The following RTKN2 variants were observed in gnomAD, a reference collection of about 807,000 sequenced individuals.
RTKN2 encodes the protein rhotekin-2.
A neutral mutation model predicts 71.5 loss-of-function variants in RTKN2; 69 were observed. The ratio of observed to expected loss-of-function variants is 0.96; its 90% CI spans 0.79 to 1.18. The LOEUF (loss-of-function observed/expected upper bound fraction) is 1.18. Among genes scored for constraint, RTKN2 ranks in the 50% most tolerant of loss-of-function variants. The pLI, the probability that RTKN2 is intolerant of heterozygous loss-of-function variation, is 0.00. For synonymous variants in RTKN2, 236 were observed against 236.5 expected (o/e 1.00, Z 0.02); for missense variants, 724 against 719.7 (o/e 1.01, Z -0.07).
At chr10:62,255,140 A>G (rs1171943149) in intron 2 of RTKN2, among the ~76,000 whole-genome samples, 2 of 152,222 alleles carry the variant, frequency 1.3e-5, no homozygotes, top group Non-Finnish European at 2.9e-5. Flanking sequence ...AAGAATTGTA[A>G]GGAAATCTTG....
exon 9 of RTKN2, chr10:62,184,345 T>C (rs759297348): frequency 6.5e-7 from 1 of 1,545,590 alleles, no homozygotes; most frequent in South Asian, 1.2e-5. Flanking sequence ...AATTTGGAAG[T>C]TGCTGGCAGT....
At chr10:62,237,643 T>G (rs907663165) in intron 5 of RTKN2, among the ~76,000 whole-genome samples, 12 of 151,912 alleles carry the variant, frequency 7.9e-5, no homozygotes, top group Admixed American at 7.9e-4. Context: ...ACCTTTAGTT[T>G]TCATTTCTTC....
At chr10:62,227,847 A>G (rs1842062645) in intron 6 of RTKN2, among the ~76,000 whole-genome samples, 1 of 152,150 alleles carries the variant, frequency 6.6e-6, no homozygotes, top group African/African-American at 2.4e-5. Context: ...GATTCCTGAT[A>G]TATTCTCTAA....
intron 8 of RTKN2, among the ~76,000 whole-genome samples, chr10:62,186,683 T>C (rs1841141553): frequency 1.3e-5 from 2 of 152,236 alleles, no homozygotes; most frequent in African/African-American, 4.8e-5. Flanking sequence ...GGAAATACAA[T>C]TCTGCTGCTA....
intron 9 of RTKN2, among the ~76,000 whole-genome samples, chr10:62,206,898 AAAGCTTATAATCAC>A (rs1385897100): frequency 6.6e-6 from 1 of 151,996 alleles, no homozygotes; most frequent in African/African-American, 2.4e-5. Context: ...CTGTAAATAT[AAAGCTTATAATCAC>A]AAGCAGAGAA....
intron 6 of RTKN2, among the ~76,000 whole-genome samples, chr10:62,233,314 T>C (rs1842189533): frequency 6.6e-6 from 1 of 152,174 alleles, no homozygotes; most frequent in Non-Finnish European, 1.5e-5. Flanking sequence ...GGAAATAGAA[T>C]TGTTTATCTA....
intron 1 of RTKN2, among the ~76,000 whole-genome samples, chr10:62,267,016 C>T (rs1269719159): frequency 6.6e-6 from 1 of 152,080 alleles, no homozygotes; most frequent in Admixed American, 6.6e-5. Context: ...GGCCTTATCT[C>T]GATTACGTGG....
intron 7 of RTKN2, among the ~76,000 whole-genome samples, chr10:62,220,180 A>G (rs551953012): frequency 1.3e-3 from 205 of 152,316 alleles, no homozygotes; most frequent in Non-Finnish European, 2.2e-3. Context: ...AAAAGTTTTA[A>G]ATTTACCTAC....
intron 2 of RTKN2, among the ~76,000 whole-genome samples, chr10:62,247,068 A>G (rs1842492356): frequency 6.6e-6 from 1 of 151,260 alleles, no homozygotes; most frequent in Non-Finnish European, 1.5e-5. Context: ...GTTACTTCAA[A>G]TAAGTGATAA....
chr10:62,249,845 A>G (rs577276914), intron 2 of RTKN2, among the ~76,000 whole-genome samples: 1 of 152,212 alleles, frequency 6.6e-6, no homozygotes, highest in Non-Finnish European at 1.5e-5. Context: ...TTTTGGCCTC[A>G]GTATTTAGGT....
Position 62,268,739 on chromosome 10 carries a change from G to A in RTKN2, c.-129C>T, listed in dbSNP as rs1443143391. On this transcript the variant is annotated 5_prime_UTR_variant, in exon 1 of 12. Transcript: ENST00000373789. ...CAAGTCCCAGTCGCAGGGGCCGGGG[G>A]CGCAGGAGGAGCCGGGCCGAAGCGC... The A allele has an allele frequency of 2.0e-5, 19 of 967,954 alleles. No homozygotes were observed. The highest frequency in any genetic ancestry group is 5.5e-5 in the Admixed American group (2 of 36,066). The allele number at this position is 967,954 out of a possible 1,614,324, so 60.0% of individuals were successfully genotyped here. A position where few individuals can be genotyped will look rare whatever the true frequency, so the allele number is the denominator to read the frequency against.
intron 3 of RTKN2, 117 bp downstream of exon 3, chr10:62,245,882 T>C (rs1170229716): frequency 6.2e-6 from 4 of 649,274 alleles, no homozygotes; most frequent in Non-Finnish European, 1.1e-5. Flanking sequence ...ACAAATATTC[T>C]GATAGAGGTA....
intron 7 of RTKN2, among the ~76,000 whole-genome samples, chr10:62,219,471 G>A (rs1338491451): frequency 3.9e-5 from 6 of 152,118 alleles, no homozygotes; most frequent in African/African-American, 7.2e-5. Flanking sequence ...GTGACAATGG[G>A]CAACATCTTG....
At chr10:62,207,428 A>G (rs906593049) in intron 9 of RTKN2, among the ~76,000 whole-genome samples, 8 of 152,118 alleles carry the variant, frequency 5.3e-5, no homozygotes, top group African/African-American at 1.9e-4. Context: ...GAAAACTTTT[A>G]ATCAAAAAAA....
At chr10:62,257,993 T>A (rs1053360831) in intron 2 of RTKN2, among the ~76,000 whole-genome samples, 1 of 152,232 alleles carries the variant, frequency 6.6e-6, no homozygotes, top group East Asian at 1.9e-4. Flanking sequence ...GGCAATGTAC[T>A]AGGTATTTCA....
At chr10:62,232,743 C>G (rs10761615) in intron 6 of RTKN2, among the ~76,000 whole-genome samples, 111,153 of 151,626 alleles carry the variant, frequency 0.73, 40,999 homozygotes, top group East Asian at 0.9. Flanking sequence ...AAAAAAAAAG[C>G]CCTAGAAAAA....
At chr10:62,266,646 G>C (rs1378317577) in intron 1 of RTKN2, among the ~76,000 whole-genome samples, 1 of 152,162 alleles carries the variant, frequency 6.6e-6, no homozygotes, top group Non-Finnish European at 1.5e-5. Context: ...GATGCCAAAA[G>C]CTTAAACATT....
chr10:62,219,027 A>G (rs1841844312), intron 7 of RTKN2, among the ~76,000 whole-genome samples: 1 of 152,214 alleles, frequency 6.6e-6, no homozygotes, highest in African/African-American at 2.4e-5. Context: ...TATTTCAGAG[A>G]ACTTAAGATA....
chr10:62,186,362 G>A (rs1023815190), intron 8 of RTKN2, among the ~76,000 whole-genome samples: 22 of 152,220 alleles, frequency 1.4e-4, no homozygotes, highest in African/African-American at 5.3e-4. Context: ...AGTTAAACTG[G>A]TGATTTACTA....
Sources: gnomAD v4.1 joint callset for allele counts (sites outside exome capture counted in the v4.1 genomes callset) on GRCh38, gnomAD v4.1.1 for gene constraint, MANE v1.5 for transcripts, NCBI Gene and HGNC (gene_info 2026-07-23, HGNC 2026-07-21) for gene names.